EP400: variants seen among roughly 807,000 people sequenced by gnomAD.
EP400 encodes the protein E1A binding protein p400, also known as E1A-binding protein p400.
In EP400, 105 loss-of-function variants were observed where a neutral mutation model predicts 354.1. That is an observed-to-expected ratio of 0.30 (90% CI 0.25 to 0.35). The LOEUF (loss-of-function observed/expected upper bound fraction) is 0.35, where lower values mean the gene tolerates loss of function less well. Ranked by LOEUF, EP400 falls within the 10% of genes least tolerant of loss-of-function variation. The probability of loss-of-function intolerance (pLI) is 1.00; values close to 1 mark genes in which losing one functional copy is unlikely to be tolerated. For missense variants in EP400, 3,280 were observed against 4,121.0 expected (o/e 0.80, Z 5.59); for synonymous variants, 1,646 against 1,716.9 (o/e 0.96, Z 1.02).
At chr12:132,059,955 G>A (rs765865665) in intron 45 of EP400, among the ~76,000 whole-genome samples, 6 of 151,950 alleles carry the variant, frequency 3.9e-5, no homozygotes, top group Non-Finnish European at 5.9e-5. Flanking sequence ...CCCGGGAGGC[G>A]GAGGTTGCAG....
intron 19 of EP400, among the ~76,000 whole-genome samples, chr12:132,014,772 C>T (rs1893871887): frequency 6.6e-6 from 1 of 152,194 alleles, no homozygotes; most frequent in Admixed American, 6.5e-5. Flanking sequence ...GATGTGCTCC[C>T]CTCCTTGTGG....
At chr12:132,051,020 T>G in intron 41 of EP400, 1 of 358,834 alleles carries the variant, frequency 2.8e-6, no homozygotes, top group South Asian at 3.0e-5. Flanking sequence ...CACACCACAT[T>G]TAGGGGTGTG....
In EP400 at chr12:132,045,780, T is replaced by A; in HGVS notation, c.7080T>A (p.Ala2360=). Residue 2360 remains alanine, a synonymous_variant, in exon 39 of 53, where the codon GCT becomes GCA. Transcript: ENST00000389561. ...LPLNLTIVSP[A]HTPNWDLVSD... ...TGAACCTCACAATCGTGTCACCTGC[T>A]CACACACCTAATTGGGATCTTGTCA... 6.2e-7 allele frequency: 1 copy of A among 1,614,252 alleles called. No homozygotes were observed. The highest frequency in any genetic ancestry group is 1.3e-5 in the African/African-American group (1 of 75,072).
At chr12:132,040,066 C>T (rs1894846450) in intron 32 of EP400, among the ~76,000 whole-genome samples, 1 of 152,204 alleles carries the variant, frequency 6.6e-6, no homozygotes, top group Non-Finnish European at 1.5e-5. Context: ...AAGGACCTGA[C>T]TCTGCATGTC....
rs562735016 is a variant in EP400 at position 132,018,301 on chromosome 12, G to A, written c.4202G>A (p.Arg1401Gln). ...TTGCTGTCTAAGAAAAAGATACCGCGGAAACTCATGGAGGAAATCTCCACT... is the reference window on the plus strand; with the variant it reads ...TTGCTGTCTAAGAAAAAGATACCGCAGAAACTCATGGAGGAAATCTCCACT... ...AELLSKKKIPRKLMEEISTSA... is the reference protein window; with the variant it reads ...AELLSKKKIPQKLMEEISTSA... Residue 1401 changes from arginine to glutamine, a missense_variant, in exon 21 of 53, where the codon CGG becomes CAG. Physicochemically the swap from Arg to Gln is conservative, Grantham distance 43 (BLOSUM62 1). Around this residue, in one of 20 missense-constraint regions of EP400, gnomAD observed 342 missense variants for 342.7 expected, o/e 1.00. Transcript: ENST00000389561. The surrounding 1 kb of genome is among the most constrained non-coding windows in gnomAD (Gnocchi z 4.0). 4.9e-5 allele frequency: 79 copies of A among 1,613,244 alleles called. No individual in the cohort carries two copies. In the South Asian group the frequency reaches 6.3e-4, roughly 13 times the overall value.
chr12:132,020,317 C>T lies in EP400; in HGVS notation c.4447+99C>T. 4 of 1,397,018 alleles carry T rather than the reference C, an allele frequency of 2.9e-6. No individual in the cohort carries two copies. The South Asian group carries it at 4.4e-5, about 15-fold the overall frequency. 86.5% of individuals were successfully genotyped at this position (1,397,018 alleles called of 1,614,324 possible). On this transcript the variant is annotated intron_variant, in intron 22 of 52. Transcript: ENST00000389561. ...CGCGCCTCTGGATGCGGTAATTGTC[C>T]CTGAGTGGGAACAGGCACCACCCGC...
chr12:131,954,635 G>A (rs1056097454), intron 1 of EP400, among the ~76,000 whole-genome samples: 9 of 146,006 alleles, frequency 6.2e-5, no homozygotes, highest in African/African-American at 2.0e-4. Context: ...TGAGGCAGGA[G>A]AATCGCTTGA....
At position 132,077,767 on chromosome 12, in the gene EP400, G is replaced by C; in HGVS notation, c.*94G>C. On this transcript the variant is annotated 3_prime_UTR_variant, in exon 53 of 53. Transcript: ENST00000389561. ...AACCTTGGGACCATGTCACGCAAGA[G>C]ATTCAGCACTGGGAAAGATATAATT... 1.5e-6 allele frequency: 2 copies of C among 1,369,922 alleles called. No homozygotes were observed. Among genetic ancestry groups the C allele is most frequent in the Non-Finnish European group, 1.9e-6 (2 of 1,028,862 alleles). 84.9% of individuals were successfully genotyped at this position (1,369,922 alleles called of 1,614,324 possible).
chr12:131,988,759 T>C (rs1238071256), intron 7 of EP400, among the ~76,000 whole-genome samples: 2 of 152,206 alleles, frequency 1.3e-5, no homozygotes, highest in Non-Finnish European at 2.9e-5. Context: ...TTTATCCTCC[T>C]CATTACTGTG....
At chr12:132,055,402 C>T (rs1292556422) in intron 45 of EP400, among the ~76,000 whole-genome samples, 194 bp downstream of exon 45, 2 of 151,280 alleles carry the variant, frequency 1.3e-5, no homozygotes, top group African/African-American at 4.9e-5. Flanking sequence ...GGTTTCCATT[C>T]TGTATGAGGG....
intron 47 of EP400, among the ~76,000 whole-genome samples, chr12:132,063,082 T>TGGA (rs1895761412): frequency 6.6e-6 from 1 of 152,232 alleles, no homozygotes; most frequent in Non-Finnish European, 1.5e-5. Context: ...GAGCAGGCGA[T>TGGA]GGACCCTGGG....
intron 45 of EP400, among the ~76,000 whole-genome samples, chr12:132,056,748 C>T (rs1264721905): frequency 2.6e-5 from 4 of 152,050 alleles, no homozygotes; most frequent in Admixed American, 6.6e-5. Context: ...ATACGTTAGG[C>T]GTCATCAAAA....
At chr12:132,007,887 T>A (rs1463279170) in intron 15 of EP400, among the ~76,000 whole-genome samples, 2 of 151,582 alleles carry the variant, frequency 1.3e-5, no homozygotes, top group Non-Finnish European at 2.9e-5. Context: ...GTGGTGGGGG[T>A]CTCAGTCCAA....
At chr12:132,001,316 CAG>C (rs1036398883) in intron 12 of EP400, among the ~76,000 whole-genome samples, 7 of 152,284 alleles carry the variant, frequency 4.6e-5, no homozygotes, top group African/African-American at 1.4e-4. Flanking sequence ...GTCCACTGGA[CAG>C]GGGGCCCTCC....
chr12:132,009,739 A>G (rs911628595), intron 15 of EP400, among the ~76,000 whole-genome samples: 5 of 151,704 alleles, frequency 3.3e-5, no homozygotes, highest in African/African-American at 1.2e-4. Context: ...GGCTCACTGC[A>G]GCCTCAGCCT....
At position 132,075,418 on chromosome 12, in the gene EP400, C is replaced by G. The variant is rs1160546952; in HGVS notation, c.9022-1098C>G. On this transcript the variant is annotated intron_variant, in intron 51 of 52. Transcript: ENST00000389561. This position sits in a 1 kb window ranked among gnomAD's most constrained non-coding sequence, Gnocchi z 4.5. ...GCAGTTCCTGACTCTTTGCAGGTTT[C>G]TTGGTACATTTAAGATTTCTTGCTA... Among the ~76,000 whole-genome samples the G allele has an allele frequency of 1.3e-5, 2 of 152,150 alleles. No homozygotes were observed. Among genetic ancestry groups the G allele is most frequent in the Non-Finnish European group, 2.9e-5 (2 of 68,042 alleles).
chr12:132,041,622 A>T (rs1239550203), intron 32 of EP400, among the ~76,000 whole-genome samples: 2 of 152,138 alleles, frequency 1.3e-5, no homozygotes, highest in Non-Finnish European at 2.9e-5. Context: ...TCCTGTGGAT[A>T]TTTGTATCCT....
chr12:131,952,515 T>C (rs1447077918), intron 1 of EP400, among the ~76,000 whole-genome samples: 2 of 151,952 alleles, frequency 1.3e-5, no homozygotes, highest in Non-Finnish European at 2.9e-5. Flanking sequence ...CAGGCTGGAG[T>C]GCAGTGGCAT....
In EP400 at chr12:132,050,707, A is replaced by G. The variant is rs566878572; in HGVS notation, c.7394+52A>G. The G allele has an allele frequency of 6.2e-7, 1 of 1,607,842 alleles. No homozygotes were observed. The highest frequency in any genetic ancestry group is 8.5e-7 in the Non-Finnish European group (1 of 1,174,534). On this transcript the variant is annotated intron_variant, in intron 41 of 52. Transcript: ENST00000389561. The surrounding 1 kb of genome is among the most constrained non-coding windows in gnomAD (Gnocchi z 4.8). ...TTACTGTTTGGAAGGATTTCATTCC[A>G]GTGTCATCTAAGTTCAGTGAGTTCA...
Sources: allele counts gnomAD v4.1 joint callset (sites outside exome capture counted in the v4.1 genomes callset), GRCh38; gene constraint gnomAD v4.1.1; regional missense constraint gnomAD v4.1.1; non-coding constraint Gnocchi (gnomAD v3.1); transcripts MANE v1.5; gene names NCBI Gene and HGNC (gene_info 2026-07-23, HGNC 2026-07-21).